Variants in ADAMTS20 observed in about 807,000 individuals in gnomAD.
The protein encoded by ADAMTS20 is A disintegrin and metalloproteinase with thrombospondin motifs 20.
In ADAMTS20, 225 loss-of-function variants were observed where a neutral mutation model predicts 260.1. The ratio of observed to expected loss-of-function variants is 0.87; its 90% CI spans 0.78 to 0.97. The LOEUF is 0.97. ADAMTS20 is among the 50% of genes least tolerant of loss of function. ADAMTS20 has a pLI of 0.00. For synonymous variants in ADAMTS20, 802 were observed against 769.5 expected, an observed-to-expected ratio of 1.04 and a Z score of -0.70; for missense variants, 2,400 against 2,337.7, an observed-to-expected ratio of 1.03 and a Z score of -0.55.
intron 28 of ADAMTS20, among the ~76,000 whole-genome samples, chr12:43,419,933 A>G (rs1307055896): frequency 1.3e-5 from 2 of 152,182 alleles, no homozygotes; most frequent in Non-Finnish European, 2.9e-5. Flanking sequence ...TATGAAATCC[A>G]CATGTGCAGA....
At chr12:43,468,820 T>C in intron 7 of ADAMTS20, 115 bp from the exon 8 acceptor site, 1 of 600,804 alleles carries the variant, frequency 1.7e-6, no homozygotes, top group Non-Finnish European at 2.9e-6. Context: ...GAATGCAGAA[T>C]TGGCTGTTAA....
intron 32 of ADAMTS20, among the ~76,000 whole-genome samples, 160 bp from the exon 33 acceptor site, chr12:43,376,813 C>T (rs910340828): frequency 1.3e-5 from 2 of 152,140 alleles, no homozygotes; most frequent in Non-Finnish European, 1.5e-5. Context: ...GCTGGATAGT[C>T]GCCGGTGGGA....
chr12:43,398,917 T>TTA, intron 29 of ADAMTS20, 149 bp downstream of exon 29: 1 of 413,380 alleles, frequency 2.4e-6, no homozygotes, highest in Non-Finnish European at 4.0e-6. Flanking sequence ...CACTGTTTAG[T>TTA]ATTAATACTA....
chr12:43,502,261 C>A lies in ADAMTS20; in HGVS notation c.758G>T (p.Arg253Leu), dbSNP rs145506323. 1.9e-6 allele frequency: 3 copies of A among 1,611,998 alleles called. No individual in the cohort carries two copies. Among genetic ancestry groups the A allele is most frequent in the African/African-American group, 1.3e-5 (1 of 74,748 alleles). Residue 253 changes from arginine to leucine, a missense_variant, in exon 4 of 39, where the codon CGT (arginine) becomes CTT (leucine). Transcript: ENST00000389420. Reference sequence around the variant, plus strand: ...AATGTATCTTGGATATGATATAAGACGTTTTTTCCTGGAATGTCTTCTTTC... The same window carrying A: ...AATGTATCTTGGATATGATATAAGAAGTTTTTTCCTGGAATGTCTTCTTTC... Reference protein sequence around the residue: ...KDERRHSRKKRLISYPRYIEI... With the variant: ...KDERRHSRKKLLISYPRYIEI...
intron 18 of ADAMTS20, among the ~76,000 whole-genome samples, chr12:43,435,872 C>G (rs187422734): frequency 6.6e-6 from 1 of 151,846 alleles, no homozygotes; most frequent in Non-Finnish European, 1.5e-5. Flanking sequence ...TCATAACTGA[C>G]CAGAGTCATT....
chr12:43,401,574 A>T (rs906626626), intron 28 of ADAMTS20, among the ~76,000 whole-genome samples: 9 of 151,874 alleles, frequency 5.9e-5, no homozygotes, highest in Admixed American at 2.0e-4. Flanking sequence ...CTACTCTATA[A>T]CTTTAGGTCA....
intron 5 of ADAMTS20, 22 bp downstream of exon 5, chr12:43,493,148 T>A (rs1251686433): frequency 6.7e-7 from 1 of 1,494,236 alleles, no homozygotes; most frequent in Non-Finnish European, 9.1e-7. Flanking sequence ...CTAAGGTTAC[T>A]AATTTTAGAC....
At chr12:43,528,371 AAAAC>A in intron 3 of ADAMTS20, among the ~76,000 whole-genome samples, 3 of 149,404 alleles carry the variant, frequency 2.0e-5, no homozygotes, top group African/African-American at 7.4e-5. Flanking sequence ...AAAAAAAAAA[AAAAC>A]ACAAATCCGG....
At chr12:43,395,106 A>G (rs11611775) in intron 29 of ADAMTS20, among the ~76,000 whole-genome samples, 3,411 of 152,270 alleles carry the variant, frequency 0.022, 57 homozygotes, top group East Asian at 0.085. Flanking sequence ...AAGGAGGAGC[A>G]TTAACAGATA....
intron 3 of ADAMTS20, among the ~76,000 whole-genome samples, chr12:43,519,745 C>T (rs975973792): frequency 5.9e-5 from 9 of 152,110 alleles, no homozygotes; most frequent in African/African-American, 2.2e-4. Context: ...CAGCTGAATG[C>T]TACACATTGA....
chr12:43,427,602 C>A, intron 26 of ADAMTS20, 133 bp from the exon 27 acceptor site: 1 of 831,408 alleles, frequency 1.2e-6, no homozygotes, highest in South Asian at 2.9e-5. Context: ...ATTGGAATCA[C>A]AATTTGAATT....
intron 7 of ADAMTS20, among the ~76,000 whole-genome samples, chr12:43,468,923 T>G (rs1266192837): frequency 1.3e-5 from 2 of 152,148 alleles, no homozygotes; most frequent in African/African-American, 4.8e-5. Context: ...TCTACTGAAG[T>G]AAATAATCCA....
At chr12:43,523,048 AG>A (rs771252301) in intron 3 of ADAMTS20, among the ~76,000 whole-genome samples, 2 of 152,240 alleles carry the variant, frequency 1.3e-5, no homozygotes, top group Admixed American at 6.5e-5. Context: ...CTAAATCTGT[AG>A]GCCCACCTAT....
At chr12:43,534,553 A>G (rs1200770272) in intron 2 of ADAMTS20, among the ~76,000 whole-genome samples, 1 of 152,166 alleles carries the variant, frequency 6.6e-6, no homozygotes, top group East Asian at 1.9e-4. Context: ...TTTAATAGCA[A>G]AATATTGGAA....
chr12:43,383,780 G>C (rs1294035069), intron 30 of ADAMTS20, 24 bp downstream of exon 30: 1 of 1,613,362 alleles, frequency 6.2e-7, no homozygotes, highest in Admixed American at 1.7e-5. Context: ...CAGTGTCTTT[G>C]AAAATTTACA....
intron 4 of ADAMTS20, among the ~76,000 whole-genome samples, chr12:43,499,718 T>A (rs1942729406): frequency 6.6e-6 from 1 of 152,124 alleles, no homozygotes; most frequent in African/African-American, 2.4e-5. Context: ...TTGGCCAGGA[T>A]GGTCTCTATC....
chr12:43,522,262 C>T (rs1224896624), intron 3 of ADAMTS20, among the ~76,000 whole-genome samples: 1 of 152,128 alleles, frequency 6.6e-6, no homozygotes, highest in Non-Finnish European at 1.5e-5. Context: ...ACCATCAGTT[C>T]TCATGAGACC....
At chr12:43,434,836 G>T (rs536972647) in intron 18 of ADAMTS20, among the ~76,000 whole-genome samples, 1 of 152,228 alleles carries the variant, frequency 6.6e-6, no homozygotes, top group South Asian at 2.1e-4. Flanking sequence ...TTGGCATCAG[G>T]CTTTTTATCA....
chr12:43,387,923 T>C (rs570455073), intron 29 of ADAMTS20, among the ~76,000 whole-genome samples: 12 of 152,184 alleles, frequency 7.9e-5, no homozygotes, highest in African/African-American at 2.9e-4. Flanking sequence ...ACTGCCGTGC[T>C]GGCAGCAAGA....
Sources: gnomAD v4.1 joint callset for allele counts (sites outside exome capture counted in the v4.1 genomes callset) on GRCh38, gnomAD v4.1.1 for gene constraint, MANE v1.5 for transcripts, NCBI Gene and HGNC (gene_info 2026-07-23, HGNC 2026-07-21) for gene names.